UNC79: variants seen among roughly 807,000 people sequenced by gnomAD.
UNC79 encodes the protein protein unc-79 homolog.
A neutral mutation model predicts 283.1 loss-of-function variants in UNC79; 37 were observed. The ratio of observed to expected loss-of-function variants is 0.13; its 90% CI spans 0.10 to 0.17. The LOEUF (loss-of-function observed/expected upper bound fraction) is 0.17. Among genes scored for constraint, UNC79 ranks in the 10% least tolerant of loss-of-function variants. UNC79 has a pLI of 1.00. For missense variants in UNC79, 2,272 were observed against 3,211.1 expected (o/e 0.71, Z 7.07); for synonymous variants, 1,107 against 1,200.2 (o/e 0.92, Z 1.61).
intron 7 of UNC79, among the ~76,000 whole-genome samples, chr14:93,504,948 T>C (rs890990678): frequency 6.6e-6 from 1 of 152,058 alleles, no homozygotes; most frequent in African/African-American, 2.4e-5. Flanking sequence ...CTTTGACCCA[T>C]GGGTCATTTA....
chr14:93,411,135 C>T (rs963276293), intron 1 of UNC79, among the ~76,000 whole-genome samples: 22 of 152,236 alleles, frequency 1.4e-4, no homozygotes, highest in African/African-American at 5.3e-4. Flanking sequence ...GACTAAAGAG[C>T]TCTTGGGCCT....
chr14:93,483,247 T>C (rs2058232818), intron 4 of UNC79, among the ~76,000 whole-genome samples: 1 of 152,204 alleles, frequency 6.6e-6, no homozygotes. Context: ...AGTACCTGTT[T>C]GCCCTTTCTT....
chr14:93,655,317 G>A, exon 38 of UNC79: 1 of 1,614,108 alleles, frequency 6.2e-7, no homozygotes, highest in Non-Finnish European at 8.5e-7. Flanking sequence ...TGGAAGCTTT[G>A]CCTATGGATT....
In UNC79 at chr14:93,581,533, G is replaced by A. The variant is rs556840952; in HGVS notation, c.2662-670G>A. ...TTTTGAGACAGAGTCTCACTCTGTC[G>A]CCCAGGCTGGAGTACTGTGGTATGA... On this transcript the variant is annotated intron_variant, in intron 19 of 48. Coordinates refer to ENST00000555664, the Ensembl canonical transcript of UNC79. Among the ~76,000 whole-genome samples the A allele has an allele frequency of 3.7e-3, 454 of 122,700 alleles. 3 individuals carry two copies. Among genetic ancestry groups the A allele is most frequent in the African/African-American group, 9.7e-3 (298 of 30,706 alleles). The allele number at this position is 122,700 out of a possible 152,430, so 80.5% of individuals were successfully genotyped here. A position where few individuals can be genotyped will look rare whatever the true frequency, so the allele number is the denominator to read the frequency against.
intron 47 of UNC79, among the ~76,000 whole-genome samples, chr14:93,700,379 C>T (rs1300386483): frequency 6.6e-6 from 1 of 152,294 alleles, no homozygotes; most frequent in African/African-American, 2.4e-5. Context: ...CTCTACTCAA[C>T]ATGCCCAATC....
chr14:93,666,756 A>G (rs1417485747), intron 40 of UNC79, among the ~76,000 whole-genome samples: 1 of 152,256 alleles, frequency 6.6e-6, no homozygotes, highest in Admixed American at 6.5e-5. Flanking sequence ...TGCAACGGTC[A>G]TATAAAGAAT....
At chr14:93,367,474 A>G (rs571534359) in intron 1 of UNC79, among the ~76,000 whole-genome samples, 2 of 152,186 alleles carry the variant, frequency 1.3e-5, no homozygotes, top group Non-Finnish European at 2.9e-5. Flanking sequence ...GAAAAGAAAA[A>G]AAAGGGTATT....
intron 1 of UNC79, among the ~76,000 whole-genome samples, chr14:93,342,546 G>A (rs554102794): frequency 1.3e-5 from 2 of 152,280 alleles, no homozygotes; most frequent in South Asian, 2.1e-4. Flanking sequence ...ATTGACATTT[G>A]GCCTCTCTTT....
intron 30 of UNC79, among the ~76,000 whole-genome samples, chr14:93,625,236 G>A (rs1313266725): frequency 6.6e-6 from 1 of 152,126 alleles, no homozygotes; most frequent in African/African-American, 2.4e-5. Flanking sequence ...CATCTTCCTT[G>A]CTCCACACTT....
At position 93,695,890 on chromosome 14, in the gene UNC79, C is replaced by CAAAAAAA. The variant is rs535235954; in HGVS notation, c.7548+1492_7548+1498dup. On this transcript the variant is annotated intron_variant, in intron 47 of 48. Transcript: ENST00000555664. ...TGGGCAACAGGATGAGACTTTGTCT[C>CAAAAAAA]AAAAAAAAAAAAAAAAAAAAGCAAA... Among the ~76,000 whole-genome samples the CAAAAAAA allele has an allele frequency of 7.9e-4, 31 of 39,404 alleles. 2 individuals are homozygous for CAAAAAAA. The highest frequency in any genetic ancestry group is 0.021 in the Middle Eastern group (1 of 48). 25.9% of individuals were successfully genotyped at this position (39,404 alleles called of 152,430 possible).
intron 1 of UNC79, among the ~76,000 whole-genome samples, chr14:93,439,502 G>C (rs1306524681): frequency 6.6e-6 from 1 of 151,774 alleles, no homozygotes; most frequent in African/African-American, 2.4e-5. Context: ...CATATTTTAA[G>C]AATTTTTGCA....
chr14:93,595,670 G>A (rs533902824), intron 23 of UNC79, among the ~76,000 whole-genome samples: 5 of 152,152 alleles, frequency 3.3e-5, no homozygotes, highest in East Asian at 1.9e-4. Context: ...TTCAAATGCC[G>A]CCATTGAGGT....
intron 1 of UNC79, among the ~76,000 whole-genome samples, chr14:93,455,912 T>TTG (rs10654684): frequency 0.14 from 19,596 of 144,066 alleles, 1,290 homozygotes; most frequent in Middle Eastern, 0.24. Flanking sequence ...GTACAATGGA[T>TTG]TGTGTGTGTG....
chr14:93,555,653 C>T (rs2062136900), intron 14 of UNC79, among the ~76,000 whole-genome samples: 1 of 152,178 alleles, frequency 6.6e-6, no homozygotes, highest in Admixed American at 6.5e-5. Context: ...ACCCACCTGC[C>T]TCAGGCCCCC....
At chr14:93,364,902 A>G (rs1473846060) in intron 1 of UNC79, among the ~76,000 whole-genome samples, 1 of 152,018 alleles carries the variant, frequency 6.6e-6, no homozygotes, top group East Asian at 1.9e-4. Flanking sequence ...ATCAGGTCAC[A>G]GTAAAAATAA....
At chr14:93,682,476 T>G in intron 41 of UNC79, 141 bp from the exon 45 acceptor site, 1 of 679,404 alleles carries the variant, frequency 1.5e-6, no homozygotes, top group Non-Finnish European at 2.4e-6. Flanking sequence ...TGAACCATCA[T>G]GATTAGCAAA....
intron 1 of UNC79, among the ~76,000 whole-genome samples, chr14:93,374,510 A>G (rs1295507114): frequency 6.6e-6 from 1 of 152,108 alleles, no homozygotes. Context: ...TTATTCCTGT[A>G]CCACCATTGT....
intron 26 of UNC79, among the ~76,000 whole-genome samples, chr14:93,611,663 C>T (rs1455884358): frequency 1.3e-5 from 2 of 152,070 alleles, no homozygotes; most frequent in East Asian, 3.9e-4. Context: ...TTTGTTGCAT[C>T]CTTTATACCG....
intron 1 of UNC79, among the ~76,000 whole-genome samples, chr14:93,370,719 C>T (rs1323185928): frequency 1.3e-5 from 2 of 152,116 alleles, no homozygotes; most frequent in East Asian, 3.9e-4. Flanking sequence ...TTGCAGTGAG[C>T]TGAGATCTCA....
Sources: gnomAD v4.1 joint callset for allele counts (sites outside exome capture counted in the v4.1 genomes callset) on GRCh38, gnomAD v4.1.1 for gene constraint, MANE v1.5 for transcripts, NCBI Gene and HGNC (gene_info 2026-07-23, HGNC 2026-07-21) for gene names.